Variants in MALRD1 observed in about 807,000 individuals in gnomAD.
MALRD1 encodes MAM and LDL-receptor class A domain-containing protein 1.
In MALRD1, 247 loss-of-function variants were observed where a neutral mutation model predicts 242.1. That is an observed-to-expected ratio of 1.02 (90% CI 0.92 to 1.13). MALRD1 has a LOEUF of 1.13. Ranked by LOEUF, MALRD1 falls within the 50% of genes most tolerant of loss-of-function variation. MALRD1 has a pLI of 0.00. For missense variants in MALRD1, 2,989 were observed against 2,533.1 expected (o/e 1.18, Z -3.86); for synonymous variants, 995 against 866.6 (o/e 1.15, Z -2.60).
chr10:19,711,551 A>T (rs1192981187), intron 38 of MALRD1, among the ~76,000 whole-genome samples: 2 of 152,230 alleles, frequency 1.3e-5, no homozygotes, highest in Non-Finnish European at 2.9e-5. Flanking sequence ...GTTTGAAGGT[A>T]ATGATAATAT....
rs536306223 is a variant in MALRD1 at position 19,711,528 on chromosome 10, G to A, written c.6314+18974G>A. Among the ~76,000 whole-genome samples, 3 of 152,318 alleles carry A rather than the reference G, an allele frequency of 2.0e-5. No homozygotes were observed. In the East Asian group the frequency reaches 5.8e-4, roughly 29 times the overall value. ...CTTCATAGAAAGCACTGGAAAAGGA[G>A]AGACAGTCTTTGGTTTGAAGGTAAT... On this transcript the variant is annotated intron_variant, in intron 38 of 39. Coordinates refer to ENST00000454679, the MANE Select transcript of MALRD1 (RefSeq NM_001142308.3).
At chr10:19,155,204 T>A in intron 12 of MALRD1, 32 bp downstream of exon 12, 2 of 1,136,660 alleles carry the variant, frequency 1.8e-6, no homozygotes, top group Non-Finnish European at 2.2e-6. Flanking sequence ...CCACTGGCCA[T>A]TCTGCGGTTG....
At chr10:19,664,509 T>C (rs2131741402) in intron 36 of MALRD1, among the ~76,000 whole-genome samples, 1 of 152,136 alleles carries the variant, frequency 6.6e-6, no homozygotes, top group East Asian at 1.9e-4. Flanking sequence ...CTTCAAGTGT[T>C]AATTCAATTT....
At chr10:19,529,364 T>C (rs1322557100) in intron 31 of MALRD1, among the ~76,000 whole-genome samples, 1 of 152,154 alleles carries the variant, frequency 6.6e-6, no homozygotes, top group Non-Finnish European at 1.5e-5. Context: ...GCTTATAAAA[T>C]GGTATGATGA....
chr10:19,687,340 A>C (rs1842620534), intron 36 of MALRD1, among the ~76,000 whole-genome samples: 1 of 152,224 alleles, frequency 6.6e-6, no homozygotes, highest in African/African-American at 2.4e-5. Flanking sequence ...TGTCAAGCTC[A>C]TAAGGTGAAT....
intron 5 of MALRD1, among the ~76,000 whole-genome samples, chr10:19,115,159 A>C (rs2131362920): frequency 6.6e-6 from 1 of 152,276 alleles, no homozygotes; most frequent in East Asian, 1.9e-4. Flanking sequence ...AAAACTAGCC[A>C]GTCCTAGGCT....
chr10:19,176,804 G>A (rs866728137), intron 14 of MALRD1, among the ~76,000 whole-genome samples: 3 of 150,242 alleles, frequency 2.0e-5, no homozygotes, highest in East Asian at 4.0e-4. Context: ...ATGTGTGCGC[G>A]TGTCTGCCTG....
intron 29 of MALRD1, among the ~76,000 whole-genome samples, chr10:19,486,190 C>G (rs1265217121): frequency 1.3e-5 from 2 of 152,160 alleles, no homozygotes; most frequent in African/African-American, 4.8e-5. Flanking sequence ...TTACTTATCA[C>G]ATTAAATCAA....
In MALRD1 at chr10:19,123,664, A is replaced by G. The variant is rs887972028; in HGVS notation, c.796+71A>G. The G allele has an allele frequency of 3.5e-6, 3 of 864,534 alleles. No individual in the cohort carries two copies. The East Asian group carries it at 1.0e-4, about 29-fold the overall frequency. The allele number at this position is 864,534 out of a possible 1,614,324, so 53.6% of individuals were successfully genotyped here. A position where few individuals can be genotyped will look rare whatever the true frequency, so the allele number is the denominator to read the frequency against. On this transcript the variant is annotated intron_variant, in intron 6 of 39. Transcript: ENST00000454679. ...ATGTGAGACTCAGACCACTCACAGG[A>G]AAGTGCACGCGCCAACCTTTGTTGA...
intron 21 of MALRD1, among the ~76,000 whole-genome samples, chr10:19,293,665 A>C (rs576289175): frequency 6.6e-6 from 1 of 152,166 alleles, no homozygotes; most frequent in East Asian, 1.9e-4. Flanking sequence ...CAGAAAACCA[A>C]ATACTGTATG....
chr10:19,266,333 C>T (rs1338101930), intron 19 of MALRD1, among the ~76,000 whole-genome samples: 1 of 151,606 alleles, frequency 6.6e-6, no homozygotes, highest in Non-Finnish European at 1.5e-5. Context: ...GATGATTTTT[C>T]TGTAGTGGTA....
At chr10:19,535,237 G>A (rs891613184) in intron 32 of MALRD1, among the ~76,000 whole-genome samples, 1 of 152,040 alleles carries the variant, frequency 6.6e-6, no homozygotes, top group Non-Finnish European at 1.5e-5. Context: ...AACCACGTGA[G>A]CATCAAATAG....
At chr10:19,367,130 C>T (rs1261013815) in intron 26 of MALRD1, among the ~76,000 whole-genome samples, 2 of 151,876 alleles carry the variant, frequency 1.3e-5, no homozygotes, top group African/African-American at 2.4e-5. Flanking sequence ...CATTCAGTAT[C>T]CTCCTTCTAG....
intron 10 of MALRD1, among the ~76,000 whole-genome samples, chr10:19,138,422 ATT>A (rs371584010): frequency 1.5e-5 from 2 of 136,608 alleles, no homozygotes. Context: ...CACGTATTTA[ATT>A]TTTTTTTTTT....
intron 21 of MALRD1, among the ~76,000 whole-genome samples, chr10:19,320,872 C>A (rs1842889366): frequency 6.6e-6 from 1 of 151,892 alleles, no homozygotes; most frequent in East Asian, 1.9e-4. Context: ...TAAATGTCTT[C>A]TTTTGAGAAG....
At chr10:19,100,999 A>G (rs559422176) in intron 4 of MALRD1, among the ~76,000 whole-genome samples, 6 of 152,256 alleles carry the variant, frequency 3.9e-5, no homozygotes, top group African/African-American at 1.2e-4. Flanking sequence ...CACAATTCAT[A>G]TAACAGCTTA....
chr10:19,304,409 T>C (rs1842083543), intron 21 of MALRD1, among the ~76,000 whole-genome samples: 1 of 151,710 alleles, frequency 6.6e-6, no homozygotes, highest in Non-Finnish European at 1.5e-5. Context: ...TATATCCTAT[T>C]GTTACTGTTT....
intron 18 of MALRD1, among the ~76,000 whole-genome samples, chr10:19,245,183 C>G (rs1237064008): frequency 6.6e-6 from 1 of 152,170 alleles, no homozygotes; most frequent in Non-Finnish European, 1.5e-5. Flanking sequence ...TGAGCTTATG[C>G]ACTGAGAGTT....
intron 29 of MALRD1, among the ~76,000 whole-genome samples, chr10:19,453,865 A>C (rs1835463678): frequency 6.7e-6 from 1 of 150,186 alleles, no homozygotes; most frequent in Non-Finnish European, 1.5e-5. Flanking sequence ...TGATGGAGCA[A>C]GACTCCGTCT....
Sources: allele counts gnomAD v4.1 joint callset (sites outside exome capture counted in the v4.1 genomes callset), GRCh38; gene constraint gnomAD v4.1.1; transcripts MANE v1.5; gene names NCBI Gene and HGNC (gene_info 2026-07-23, HGNC 2026-07-21).